The following SPATS2L variants were observed in gnomAD, a reference collection of about 807,000 sequenced individuals.
The protein encoded by SPATS2L is SPATS2-like protein.
In SPATS2L, 30 loss-of-function variants were observed where a neutral mutation model predicts 59.6. The ratio of observed to expected loss-of-function variants is 0.50; its 90% CI spans 0.38 to 0.68. The LOEUF is 0.68. Among genes scored for constraint, SPATS2L ranks in the 30% least tolerant of loss-of-function variants. The probability of loss-of-function intolerance (pLI) is 0.00; values close to 1 mark genes in which losing one functional copy is unlikely to be tolerated. For synonymous variants in SPATS2L, 252 were observed against 263.5 expected (o/e 0.96, Z 0.42); for missense variants, 615 against 700.0 (o/e 0.88, Z 1.37).
intron 7 of SPATS2L, among the ~76,000 whole-genome samples, chr2:200,440,429 C>T (rs538838182): frequency 1.3e-5 from 2 of 152,186 alleles, no homozygotes; most frequent in African/African-American, 4.8e-5. Context: ...ACAAGCGTAC[C>T]CCAGATGGCC....
chr2:200,350,960 G>A (rs954869036), intron 2 of SPATS2L, among the ~76,000 whole-genome samples: 2 of 152,102 alleles, frequency 1.3e-5, no homozygotes, highest in Non-Finnish European at 2.9e-5. Context: ...CAGAGAATGG[G>A]TGAAGCAAGT....
chr2:200,448,400 C>T (rs1377635690), intron 8 of SPATS2L, among the ~76,000 whole-genome samples: 1 of 152,174 alleles, frequency 6.6e-6, no homozygotes, highest in Non-Finnish European at 1.5e-5. Flanking sequence ...TGAGATCACA[C>T]CACCGCACTC....
chr2:200,418,616 T>TAAATAATC (rs989404565), intron 5 of SPATS2L, among the ~76,000 whole-genome samples: 2 of 145,394 alleles, frequency 1.4e-5, no homozygotes, highest in African/African-American at 5.0e-5. Flanking sequence ...AATAAATAAA[T>TAAATAATC]AATCATGGGG....
Position 200,477,928 on chromosome 2 carries a change from G to C in SPATS2L, c.1574G>C (p.Gly525Ala). The C allele has an allele frequency of 6.2e-7, 1 of 1,612,116 alleles. No individual in the cohort carries two copies. Among genetic ancestry groups the C allele is most frequent in the Non-Finnish European group, 8.5e-7 (1 of 1,179,756 alleles). ...ADTSEARPFRGSVGRVSQCNL... is the reference protein window; with the variant it reads ...ADTSEARPFRASVGRVSQCNL... ...ACCTCGGAGGCCAGGCCCTTCCGGG[G>C]TAGTGTCGGTAGGGTTTCACAGTGC... Residue 525 changes from glycine (G) to alanine (A), a missense_variant, in exon 13 of 13, where the codon GGT becomes GCT. By Grantham distance (60) the Gly-to-Ala change is moderately conservative. Transcript: ENST00000409140.
chr2:200,333,656 C>T (rs2080036965), intron 2 of SPATS2L, among the ~76,000 whole-genome samples: 1 of 152,158 alleles, frequency 6.6e-6, no homozygotes, highest in African/African-American at 2.4e-5. Context: ...TCCCCGCTCC[C>T]CCCACCCCAT....
At chr2:200,362,140 A>G (rs1026941402) in intron 2 of SPATS2L, among the ~76,000 whole-genome samples, 40 of 152,176 alleles carry the variant, frequency 2.6e-4, no homozygotes, top group African/African-American at 9.4e-4. Flanking sequence ...CCAGCTACTC[A>G]GGAGATGGAG....
At chr2:200,457,106 C>T (rs2085891263) in intron 8 of SPATS2L, among the ~76,000 whole-genome samples, 2 of 152,110 alleles carry the variant, frequency 1.3e-5, no homozygotes, top group Admixed American at 6.6e-5. Context: ...CTTCTGGCTC[C>T]ACATCTGTAG....
chr2:200,359,007 C>T lies in SPATS2L; in HGVS notation c.-23+29527C>T, dbSNP rs188156593. 2.6e-3 allele frequency among the ~76,000 whole-genome samples: 388 copies of T among 151,038 alleles called. 1 individual carries two copies. The highest frequency in any genetic ancestry group is 9.2e-3 in the African/African-American group (378 of 41,140). On this transcript the variant is annotated intron_variant, in intron 2 of 12. Coordinates refer to ENST00000409140, the MANE Select transcript of SPATS2L (RefSeq NM_001100423.2). ...ACCCTGACTCTTAAAAAAAAAAATA[C>T]ACACACACACAAATTTTCTTTGAGG...
At chr2:200,423,964 A>G (rs2083418125) in intron 6 of SPATS2L, among the ~76,000 whole-genome samples, 1 of 152,206 alleles carries the variant, frequency 6.6e-6, no homozygotes, top group Admixed American at 6.5e-5. Context: ...TACATGAAAA[A>G]TCACCACCAA....
intron 9 of SPATS2L, 45 bp from the exon 10 acceptor site, chr2:200,467,245 G>A: frequency 7.8e-7 from 1 of 1,280,488 alleles, no homozygotes; most frequent in East Asian, 2.3e-5. Flanking sequence ...TATTTAATAT[G>A]TTTCAATCTC....
intron 8 of SPATS2L, among the ~76,000 whole-genome samples, chr2:200,447,880 A>G (rs1296601105): frequency 6.6e-6 from 1 of 152,246 alleles, no homozygotes; most frequent in Non-Finnish European, 1.5e-5. Context: ...GAATGTGTTA[A>G]ACAATTACTA....
intron 2 of SPATS2L, among the ~76,000 whole-genome samples, chr2:200,337,655 G>A (rs933996019): frequency 1.3e-5 from 2 of 152,192 alleles, no homozygotes; most frequent in African/African-American, 4.8e-5. Context: ...AGGCATGTGT[G>A]GCTTACCTAG....
intron 2 of SPATS2L, among the ~76,000 whole-genome samples, chr2:200,362,531 T>C (rs888333461): frequency 1.2e-4 from 19 of 152,152 alleles, no homozygotes; most frequent in African/African-American, 4.1e-4. Context: ...CCTTTCCTTT[T>C]AAAGGTACAA....
At chr2:200,327,490 G>A (rs559545307) in intron 1 of SPATS2L, among the ~76,000 whole-genome samples, 2 of 152,240 alleles carry the variant, frequency 1.3e-5, no homozygotes, top group South Asian at 4.1e-4. Flanking sequence ...ATTTACCAAA[G>A]TGCTGCTTCT....
At chr2:200,435,943 A>G (rs2084258823) in intron 6 of SPATS2L, among the ~76,000 whole-genome samples, 1 of 152,180 alleles carries the variant, frequency 6.6e-6, no homozygotes, top group Non-Finnish European at 1.5e-5. Context: ...TCTTTTTTAA[A>G]TTATTAAAGT....
rs115196125 is a variant in SPATS2L, at chr2:200,476,696, G to A, written c.1282-940G>A. Among the ~76,000 whole-genome samples the A allele has an allele frequency of 4.3e-3, 653 of 152,336 alleles. 3 individuals are homozygous for A. Among genetic ancestry groups the A allele is most frequent in the Non-Finnish European group, 7.0e-3 (478 of 68,040 alleles). On this transcript the variant is annotated intron_variant, in intron 12 of 12. Transcript: ENST00000409140. ...ACCCCTGGAGCCCCAGAGGGCATGC[G>A]TTACAATGCTCTTTTAGCTTTGCAG... is the stretch of plus-strand genomic sequence containing the variant.
chr2:200,331,824 C>T (rs899426673), intron 2 of SPATS2L, among the ~76,000 whole-genome samples: 26 of 152,138 alleles, frequency 1.7e-4, no homozygotes, highest in African/African-American at 5.8e-4. Context: ...AGACAGTGGT[C>T]GACCAGAGGC....
intron 2 of SPATS2L, among the ~76,000 whole-genome samples, chr2:200,354,700 G>A (rs901363611): frequency 6.6e-6 from 1 of 152,106 alleles, no homozygotes; most frequent in Non-Finnish European, 1.5e-5. Context: ...GAGGCTAGCT[G>A]TTGCCAAGGA....
intron 2 of SPATS2L, among the ~76,000 whole-genome samples, chr2:200,354,998 A>G (rs1189328744): frequency 7.9e-5 from 12 of 152,042 alleles, no homozygotes; most frequent in Non-Finnish European, 2.9e-5. Context: ...TTTTAATTGT[A>G]GTAAAGTATG....
Sources: gnomAD v4.1 joint callset for allele counts (sites outside exome capture counted in the v4.1 genomes callset) on GRCh38, gnomAD v4.1.1 for gene constraint, MANE v1.5 for transcripts, NCBI Gene and HGNC (gene_info 2026-07-23, HGNC 2026-07-21) for gene names.